Variants in CNTNAP5 observed in about 807,000 individuals in gnomAD.
The protein encoded by CNTNAP5 is contactin-associated protein-like 5.
A neutral mutation model predicts 150.2 loss-of-function variants in CNTNAP5; 72 were observed. The observed-to-expected ratio is 0.48, with a 90% CI of 0.40 to 0.58. The LOEUF (loss-of-function observed/expected upper bound fraction) is 0.58, where lower values mean the gene tolerates loss of function less well. CNTNAP5 is among the 20% of genes least tolerant of loss of function. The pLI, the probability that CNTNAP5 is intolerant of heterozygous loss-of-function variation, is 0.00. For missense variants in CNTNAP5, 1,636 were observed against 1,626.2 expected, an observed-to-expected ratio of 1.01 and a Z score of -0.10; for synonymous variants, 672 against 619.8, an observed-to-expected ratio of 1.08 and a Z score of -1.25.
intron 6 of CNTNAP5, among the ~76,000 whole-genome samples, chr2:124,456,113 G>T (rs1417592468): frequency 6.6e-6 from 1 of 152,134 alleles, no homozygotes; most frequent in African/African-American, 2.4e-5. Flanking sequence ...ACAGTAAAAA[G>T]AAAGTCAAAC....
intron 19 of CNTNAP5, among the ~76,000 whole-genome samples, chr2:124,841,530 G>T (rs558552872): frequency 3.6e-4 from 55 of 151,984 alleles, no homozygotes; most frequent in African/African-American, 1.3e-3. Flanking sequence ...CCCTAATTCC[G>T]GGTTTATCTT....
intron 13 of CNTNAP5, among the ~76,000 whole-genome samples, chr2:124,736,572 G>A (rs1403546124): frequency 6.6e-6 from 1 of 152,116 alleles, no homozygotes; most frequent in East Asian, 1.9e-4. Context: ...CTGTATGGTG[G>A]TCTCATTCTA....
intron 1 of CNTNAP5, among the ~76,000 whole-genome samples, chr2:124,142,013 T>C (rs977660266): frequency 6.8e-6 from 1 of 147,038 alleles, no homozygotes; most frequent in Non-Finnish European, 1.5e-5. Flanking sequence ...AAATAGACTT[T>C]AAACCAACAA....
intron 1 of CNTNAP5, among the ~76,000 whole-genome samples, chr2:124,076,061 T>C (rs1410292674): frequency 6.6e-6 from 1 of 152,122 alleles, no homozygotes; most frequent in Non-Finnish European, 1.5e-5. Flanking sequence ...CAGACCAAGA[T>C]TATATGATTA....
chr2:124,207,755 A>G (rs956063553), intron 1 of CNTNAP5, among the ~76,000 whole-genome samples: 1 of 152,178 alleles, frequency 6.6e-6, no homozygotes, highest in Non-Finnish European at 1.5e-5. Context: ...ACACAATACA[A>G]TGTATTTTCC....
chr2:124,313,092 T>G (rs1688876206), intron 3 of CNTNAP5, among the ~76,000 whole-genome samples: 1 of 152,240 alleles, frequency 6.6e-6, no homozygotes, highest in Non-Finnish European at 1.5e-5. Context: ...GTGTGCATTT[T>G]AACAATGTAT....
intron 13 of CNTNAP5, among the ~76,000 whole-genome samples, chr2:124,715,462 C>T (rs907800694): frequency 1.3e-5 from 2 of 152,078 alleles, no homozygotes; most frequent in African/African-American, 4.8e-5. Context: ...AATGTCTTAC[C>T]ACCATGTTCC....
intron 1 of CNTNAP5, among the ~76,000 whole-genome samples, chr2:124,095,147 T>G (rs1002177627): frequency 2.0e-5 from 3 of 152,084 alleles, no homozygotes; most frequent in Non-Finnish European, 4.4e-5. Context: ...ACATACACCA[T>G]GGAATACCAT....
chr2:124,105,040 C>G (rs1406948596), intron 1 of CNTNAP5, among the ~76,000 whole-genome samples: 1 of 125,436 alleles, frequency 8.0e-6, no homozygotes, highest in African/African-American at 2.7e-5. Flanking sequence ...CTGCTCTACA[C>G]ATATATAAGC....
At position 124,609,863 on chromosome 2, in the gene CNTNAP5, A is replaced by T. The variant is rs757568661; in HGVS notation, c.1819A>T (p.Ile607Phe). ...HQGNTAGFFYIDSDGSGPLGP... is the reference protein window; with the variant it reads ...HQGNTAGFFYFDSDGSGPLGP... ...GGGGAATACAGCCGGCTTCTTCTAC[A>T]TCGACTCAGATGGCAGCGGCCCACT... The change falls in exon 12 of 24, where the codon ATC (isoleucine) becomes TTC (phenylalanine). Residue 607 changes from isoleucine (I) to phenylalanine (F), a missense_variant. Ile to Phe is a conservative substitution (Grantham distance 21, BLOSUM62 0). Transcript: ENST00000682447. The T allele has an allele frequency of 1.2e-6, 2 of 1,613,994 alleles. No homozygotes were observed.
chr2:124,108,467 A>T (rs1683217522), intron 1 of CNTNAP5, among the ~76,000 whole-genome samples: 1 of 152,008 alleles, frequency 6.6e-6, no homozygotes. Flanking sequence ...ACTTCCTCCC[A>T]CTTCTCACCC....
At chr2:124,560,770 C>G (rs756779509) in intron 10 of CNTNAP5, among the ~76,000 whole-genome samples, 22 of 152,132 alleles carry the variant, frequency 1.4e-4, no homozygotes, top group Admixed American at 1.3e-4. Context: ...CAGCAGGGAC[C>G]GACCACACAG....
chr2:124,194,927 CAGTA>C (rs1426329761), intron 1 of CNTNAP5, among the ~76,000 whole-genome samples: 2 of 151,778 alleles, frequency 1.3e-5, no homozygotes, highest in East Asian at 1.9e-4. Context: ...TGTCCCAATT[CAGTA>C]AGTAATTGCT....
At chr2:124,527,523 T>C in intron 10 of CNTNAP5, 67 bp downstream of exon 10, 8 of 1,303,656 alleles carry the variant, frequency 6.1e-6, no homozygotes, top group Non-Finnish European at 8.3e-6. Context: ...AAATATGAGT[T>C]TCTTTAAGCA....
At chr2:124,631,250 A>G (rs1573509790) in intron 12 of CNTNAP5, among the ~76,000 whole-genome samples, 1 of 152,194 alleles carries the variant, frequency 6.6e-6, no homozygotes, top group East Asian at 1.9e-4. Flanking sequence ...AACCAAAAAA[A>G]AAGCTCGCAT....
intron 13 of CNTNAP5, among the ~76,000 whole-genome samples, chr2:124,723,685 G>T (rs1256982990): frequency 6.6e-6 from 1 of 152,098 alleles, no homozygotes; most frequent in Non-Finnish European, 1.5e-5. Context: ...TTACTCTGAG[G>T]CTTCAATTTT....
At position 124,696,729 on chromosome 2, in the gene CNTNAP5, TA is replaced by T. The variant is rs112128218; in HGVS notation, c.2077+48772del. Among the ~76,000 whole-genome samples the T allele has an allele frequency of 1.4e-4, 21 of 152,252 alleles. 1 individual carries two copies. The highest frequency in any genetic ancestry group is 4.8e-4 in the African/African-American group (20 of 41,556). On this transcript the variant is annotated intron_variant, in intron 13 of 23. Transcript: ENST00000682447. ...CATCTAAGGTGAGCGTGTCAAATAA[TA>T]CATGACGATCTTCAATTCTCAAACG... is the stretch of plus-strand genomic sequence containing the variant.
At chr2:124,798,387 A>T in intron 19 of CNTNAP5, 67 bp downstream of exon 19, 1 of 1,129,072 alleles carries the variant, frequency 8.9e-7, no homozygotes, top group Non-Finnish European at 1.3e-6. Flanking sequence ...CATGCCCTCC[A>T]GAACTCTGCA....
intron 6 of CNTNAP5, among the ~76,000 whole-genome samples, chr2:124,452,387 G>A (rs1693005475): frequency 6.6e-6 from 1 of 152,030 alleles, no homozygotes; most frequent in African/African-American, 2.4e-5. Flanking sequence ...GTTGCCACAA[G>A]ACCTGCCCAA....
Sources: gnomAD v4.1 joint callset for allele counts (sites outside exome capture counted in the v4.1 genomes callset) on GRCh38, gnomAD v4.1.1 for gene constraint, MANE v1.5 for transcripts, NCBI Gene and HGNC (gene_info 2026-07-23, HGNC 2026-07-21) for gene names.